WASHC2A: variants seen among roughly 807,000 people sequenced by gnomAD.
The protein encoded by WASHC2A is WASH complex subunit 2A, also known as WASH complex subunit FAM21A.
In WASHC2A, 82 loss-of-function variants were observed where a neutral mutation model predicts 140.3. The observed-to-expected ratio is 0.58, with a 90% confidence interval of 0.49 to 0.70. The LOEUF is 0.70. Ranked by LOEUF, WASHC2A falls within the 30% of genes least tolerant of loss-of-function variation. The pLI is 0.00. For missense variants in WASHC2A, 985 were observed against 1,521.8 expected, an observed-to-expected ratio of 0.65 and a Z score of 5.87; for synonymous variants, 340 against 560.8, an observed-to-expected ratio of 0.61 and a Z score of 5.56.
chr10:50,132,997 A>G lies in WASHC2A; in HGVS notation c.*52A>G. On this transcript the variant is annotated 3_prime_UTR_variant, in exon 31 of 31. Transcript: ENST00000282633. ...CTGCAGCTACATTGTTGAGTTAGTG[A>G]TGATGTTGTATATGCTGATGGTCTT... 1.9e-6 allele frequency: 3 copies of G among 1,611,868 alleles called. No homozygotes were observed. Among genetic ancestry groups the G allele is most frequent in the Non-Finnish European group, 2.5e-6 (3 of 1,179,730 alleles).
intron 3 of WASHC2A, among the ~76,000 whole-genome samples, chr10:50,073,446 A>G (rs1838037775): frequency 6.7e-6 from 1 of 150,244 alleles, no homozygotes; most frequent in Non-Finnish European, 1.5e-5. Flanking sequence ...AAATTGGTTA[A>G]TTTTCCAGAT....
chr10:50,086,569 A>G (rs1839402495), intron 7 of WASHC2A, among the ~76,000 whole-genome samples: 1 of 148,614 alleles, frequency 6.7e-6, no homozygotes, highest in African/African-American at 2.5e-5. Flanking sequence ...AGCATTAGGT[A>G]TATCTCCCAA....
At chr10:50,109,052 C>T (rs1296494600) in intron 19 of WASHC2A, among the ~76,000 whole-genome samples, 3 of 151,620 alleles carry the variant, frequency 2.0e-5, no homozygotes, top group Admixed American at 6.6e-5. Flanking sequence ...CATTGAGGAG[C>T]ACTTCTCAAA....
intron 5 of WASHC2A, among the ~76,000 whole-genome samples, chr10:50,083,598 C>T (rs1209416043): frequency 8.9e-6 from 1 of 112,014 alleles, no homozygotes; most frequent in Non-Finnish European, 1.7e-5. Flanking sequence ...GCTCTTATTG[C>T]CCAGGCTGGA....
chr10:50,121,055 C>T (rs1589271981), intron 23 of WASHC2A, among the ~76,000 whole-genome samples: 1 of 148,174 alleles, frequency 6.7e-6, no homozygotes, highest in African/African-American at 2.6e-5. Flanking sequence ...TGAAAGACTG[C>T]ATGCTTTTCA....
At chr10:50,112,177 A>C (rs1842347495) in intron 20 of WASHC2A, 1 of 981,800 alleles carries the variant, frequency 1.0e-6, no homozygotes, top group South Asian at 4.8e-5. Context: ...ATGAGTGTCC[A>C]CTACCCCCAC....
At chr10:50,128,658 C>T (rs1313480189) in intron 28 of WASHC2A, among the ~76,000 whole-genome samples, 2 of 151,858 alleles carry the variant, frequency 1.3e-5, no homozygotes, top group African/African-American at 4.8e-5. Flanking sequence ...TTTTCATTGG[C>T]TTTTTTTTAG....
intron 17 of WASHC2A, among the ~76,000 whole-genome samples, chr10:50,100,300 G>C: frequency 6.6e-6 from 1 of 151,876 alleles, no homozygotes; most frequent in Non-Finnish European, 1.5e-5. Flanking sequence ...TGGCCAACAT[G>C]ATGAAACCCA....
At chr10:50,111,899 G>A (rs1375456411) in intron 20 of WASHC2A, among the ~76,000 whole-genome samples, 7 of 152,154 alleles carry the variant, frequency 4.6e-5, no homozygotes, top group African/African-American at 1.4e-4. Flanking sequence ...GTCATGTCAC[G>A]CACCTGTAAT....
chr10:50,068,241 C>T lies in WASHC2A; in HGVS notation c.126+14C>T, dbSNP rs1837465365. On this transcript the variant is annotated intron_variant, in intron 2 of 30. Coordinates refer to ENST00000282633, the MANE Select transcript of WASHC2A (RefSeq NM_001005751.3). Reference sequence around the variant, plus strand: ...GCCGACGCGGGCGTGAGAGGCGGGCCCCGGGGACGCGAGAGCGGCAGGGGT... The same window carrying T: ...GCCGACGCGGGCGTGAGAGGCGGGCTCCGGGGACGCGAGAGCGGCAGGGGT... 1.3e-6 allele frequency: 2 copies of T among 1,559,912 alleles called. No individual in the cohort carries two copies. Among genetic ancestry groups the T allele is most frequent in the Non-Finnish European group, 1.7e-6 (2 of 1,152,472 alleles).
intron 13 of WASHC2A, 21 bp from the exon 14 acceptor site, chr10:50,095,127 C>T (rs1840347372): frequency 6.4e-7 from 1 of 1,552,776 alleles, no homozygotes; most frequent in African/African-American, 1.4e-5. Flanking sequence ...AAAATGGTTA[C>T]CCCTTGCTTT....
At chr10:50,127,107 A>G in intron 26 of WASHC2A, 53 bp from the exon 27 acceptor site, 3 of 1,610,764 alleles carry the variant, frequency 1.9e-6, no homozygotes, top group Non-Finnish European at 2.5e-6. Flanking sequence ...CATAAGAAAC[A>G]CTTGTCTTTC....
intron 3 of WASHC2A, among the ~76,000 whole-genome samples, chr10:50,077,163 G>A (rs1384904736): frequency 1.3e-5 from 2 of 151,098 alleles, no homozygotes; most frequent in Non-Finnish European, 2.9e-5. Context: ...GTGTGGTGGT[G>A]CCCGCCTGTA....
Position 50,129,580 on chromosome 10 carries a change from C to G in WASHC2A, c.3249C>G (p.Leu1083=), listed in dbSNP as rs1483981823. The change falls in exon 29 of 31, where the codon CTC becomes CTG. Residue 1083 remains leucine, a synonymous_variant. Coordinates refer to ENST00000282633, the MANE Select transcript of WASHC2A (RefSeq NM_001005751.3). ...AISPNGHRPQ[L]RAASGEDSTE... is the part of the protein sequence containing the mutation. ...CCCCAAATGGCCATCGGCCACAGCT[C>G]AGAGCAGCCAGTGGAGAAGACAGCA... is the stretch of plus-strand genomic sequence containing the variant. 2.5e-6 allele frequency: 4 copies of G among 1,612,056 alleles called. No homozygotes were observed. In the South Asian group the frequency reaches 3.3e-5, roughly 13 times the overall value.
chr10:50,094,812 G>A (rs1349712124), intron 13 of WASHC2A, among the ~76,000 whole-genome samples: 2 of 151,078 alleles, frequency 1.3e-5, no homozygotes, highest in Non-Finnish European at 3.0e-5. Flanking sequence ...GGGTAGAGGT[G>A]GAACTGTTTG....
At chr10:50,105,328 TC>T (rs1841650254) in intron 18 of WASHC2A, among the ~76,000 whole-genome samples, 1 of 149,156 alleles carries the variant, frequency 6.7e-6, no homozygotes, top group African/African-American at 2.5e-5. Flanking sequence ...TGGGTTCATA[TC>T]CCAGCTCCAC....
At chr10:50,107,527 G>T (rs1235529169) in intron 19 of WASHC2A, among the ~76,000 whole-genome samples, 3 of 151,984 alleles carry the variant, frequency 2.0e-5, no homozygotes, top group African/African-American at 7.3e-5. Flanking sequence ...TTGTAGGCAA[G>T]TTAATAGGGG....
At chr10:50,072,481 C>CTTTTTTTTTTTT (rs11440968) in intron 3 of WASHC2A, among the ~76,000 whole-genome samples, 3 of 90,628 alleles carry the variant, frequency 3.3e-5, no homozygotes, top group Non-Finnish European at 5.9e-5. Flanking sequence ...AGTGATCTGG[C>CTTTTTTTTTTTT]TTTTTTTTTT....
intron 21 of WASHC2A, among the ~76,000 whole-genome samples, chr10:50,116,339 G>A (rs1168496596): frequency 1.3e-5 from 1 of 78,222 alleles, no homozygotes; most frequent in African/African-American, 5.6e-5. Flanking sequence ...TTTTTGAGAC[G>A]GAGTCTTGCT....
Sources: allele counts gnomAD v4.1 joint callset (sites outside exome capture counted in the v4.1 genomes callset), GRCh38; gene constraint gnomAD v4.1.1; transcripts MANE v1.5; gene names NCBI Gene and HGNC (gene_info 2026-07-23, HGNC 2026-07-21).